Variants in MAP4K3 observed in about 807,000 individuals in gnomAD.
MAP4K3 encodes mitogen-activated protein kinase kinase kinase kinase 3.
MAP4K3 carries 94 observed loss-of-function variants against 143.5 expected under a neutral mutation model. The observed-to-expected ratio is 0.65, with a 90% CI of 0.55 to 0.78. The LOEUF is 0.78. MAP4K3 is among the 30% of genes least tolerant of loss of function. The pLI is 0.00. For missense variants in MAP4K3, 1,077 were observed against 1,068.1 expected, an observed-to-expected ratio of 1.01 and a Z score of -0.12; for synonymous variants, 416 against 347.2, an observed-to-expected ratio of 1.20 and a Z score of -2.20.
intron 23 of MAP4K3, among the ~76,000 whole-genome samples, chr2:39,279,247 A>G (rs138273477): frequency 1.3e-5 from 2 of 152,330 alleles, no homozygotes; most frequent in African/African-American, 4.8e-5. Context: ...TAGAATGCTA[A>G]GAGCATTCCT....
At chr2:39,309,347 G>T in intron 14 of MAP4K3, 114 bp downstream of exon 14, 5 of 741,402 alleles carry the variant, frequency 6.7e-6, no homozygotes, top group Non-Finnish European at 8.7e-6. Context: ...CTGGGACCTC[G>T]AATGTTTTTG....
intron 24 of MAP4K3, among the ~76,000 whole-genome samples, chr2:39,276,803 C>T (rs928770327): frequency 6.6e-6 from 1 of 152,204 alleles, no homozygotes; most frequent in Non-Finnish European, 1.5e-5. Context: ...AAGCTCCCCC[C>T]ACTCATTGTG....
chr2:39,315,565 G>T, intron 12 of MAP4K3, 177 bp from the exon 13 acceptor site: 1 of 517,216 alleles, frequency 1.9e-6, no homozygotes, highest in Non-Finnish European at 3.4e-6. Context: ...CAAACTATTA[G>T]GTGAAAAAAT....
At chr2:39,317,445 C>A (rs1683152077) in intron 12 of MAP4K3, among the ~76,000 whole-genome samples, 1 of 151,938 alleles carries the variant, frequency 6.6e-6, no homozygotes, top group African/African-American at 2.4e-5. Flanking sequence ...TTCGGCACAG[C>A]AAAAGAAACT....
chr2:39,290,236 T>C (rs1681982075), intron 19 of MAP4K3, 56 bp downstream of exon 19: 6 of 1,318,598 alleles, frequency 4.6e-6, no homozygotes, highest in Non-Finnish European at 6.3e-6. Flanking sequence ...CAACAAAGTA[T>C]TAAATTGGCA....
chr2:39,290,716 T>G (rs929980431), intron 18 of MAP4K3, among the ~76,000 whole-genome samples: 4 of 152,208 alleles, frequency 2.6e-5, no homozygotes, highest in African/African-American at 9.7e-5. Flanking sequence ...ATTACAGTTA[T>G]GTAAATACTT....
chr2:39,369,193 G>GTTTTTTTTTGTTTTTTT (rs1553419597), intron 2 of MAP4K3, among the ~76,000 whole-genome samples: 1 of 37,978 alleles, frequency 2.6e-5, no homozygotes, highest in Admixed American at 4.1e-4. Flanking sequence ...CTTTGGGCTA[G>GTTTTTTTTTGTTTTTTT]TTTTTTTTTT....
chr2:39,356,800 G>T (rs187653247), intron 2 of MAP4K3, among the ~76,000 whole-genome samples: 2 of 152,018 alleles, frequency 1.3e-5, no homozygotes, highest in African/African-American at 4.8e-5. Context: ...CATAATCATC[G>T]GTATAATCCA....
intron 1 of MAP4K3, among the ~76,000 whole-genome samples, chr2:39,422,338 G>C (rs935555871): frequency 6.6e-6 from 1 of 151,898 alleles, no homozygotes; most frequent in African/African-American, 2.4e-5. Flanking sequence ...ATCTCCCCTA[G>C]TTCTCTGCTA....
At chr2:39,420,313 T>G (rs1667510662) in intron 1 of MAP4K3, among the ~76,000 whole-genome samples, 1 of 152,270 alleles carries the variant, frequency 6.6e-6, no homozygotes, top group African/African-American at 2.4e-5. Flanking sequence ...CATATACACG[T>G]GCACTTACAG....
intron 4 of MAP4K3, among the ~76,000 whole-genome samples, chr2:39,338,903 C>A (rs1370769333): frequency 6.6e-6 from 1 of 152,184 alleles, no homozygotes; most frequent in Non-Finnish European, 1.5e-5. Context: ...TCTTGCACTT[C>A]CCAGCCTCCA....
At chr2:39,262,277 C>T (rs1344873811) in intron 28 of MAP4K3, among the ~76,000 whole-genome samples, 1 of 152,182 alleles carries the variant, frequency 6.6e-6, no homozygotes, top group Non-Finnish European at 1.5e-5. Flanking sequence ...ATGTGAAGCT[C>T]TGTGTTCACC....
intron 15 of MAP4K3, among the ~76,000 whole-genome samples, chr2:39,301,852 G>A (rs1245211197): frequency 1.3e-5 from 2 of 151,992 alleles, no homozygotes; most frequent in Non-Finnish European, 2.9e-5. Flanking sequence ...ATGAAACCCT[G>A]TCTCTACTAA....
Position 39,325,948 on chromosome 2 carries a change from T to A in MAP4K3, c.676A>T (p.Met226Leu). Residue 226 changes from methionine to leucine, a missense_variant, in exon 10 of 34, where the codon ATG becomes TTG. Met to Leu is a conservative substitution (Grantham distance 15). This residue lies in a region of MAP4K3 where 864 missense variants were observed against 801.2 expected (regional missense o/e 1.08). Coordinates refer to ENST00000263881, the MANE Select transcript of MAP4K3 (RefSeq NM_003618.4). ...DLHPMRALFL[M>L]TKSNFQPPKL... ...GGAGGCTGAAAATTGCTTTTTGTCA[T>A]TAGAAATAATGCTCTGAAAAATCAA... The A allele has an allele frequency of 6.3e-7, 1 of 1,593,926 alleles. No homozygotes were observed. The highest frequency in any genetic ancestry group is 8.6e-7 in the Non-Finnish European group (1 of 1,164,752).
Position 39,249,489 on chromosome 2 carries a change from C to A in MAP4K3, c.*1129G>T, listed in dbSNP as rs1045716916. 2.0e-5 allele frequency: 3 copies of A among 152,416 alleles called. No homozygotes were observed. Among genetic ancestry groups the A allele is most frequent in the African/African-American group, 7.2e-5 (3 of 41,390 alleles). The allele number at this position is 152,416 out of a possible 1,614,324, so 9.4% of individuals were successfully genotyped here. On this transcript the variant is annotated 3_prime_UTR_variant, in exon 34 of 34. Coordinates refer to ENST00000263881, the MANE Select transcript of MAP4K3 (RefSeq NM_003618.4). ...ATATACATATTCCATTGGAAAAAAG[C>A]AATCAAAAATGACTTAAACCAAAAC...
At chr2:39,405,354 G>T (rs376708653) in intron 1 of MAP4K3, among the ~76,000 whole-genome samples, 2 of 152,200 alleles carry the variant, frequency 1.3e-5, no homozygotes, top group Admixed American at 1.3e-4. Flanking sequence ...TAGAACTACA[G>T]TGTTACTGGG....
At chr2:39,277,459 AG>A (rs1681315931) in intron 24 of MAP4K3, among the ~76,000 whole-genome samples, 1 of 152,204 alleles carries the variant, frequency 6.6e-6, no homozygotes, top group African/African-American at 2.4e-5. Context: ...TGAGTGCTGT[AG>A]TTACTGGTTT....
chr2:39,364,511 G>A (rs1665864988), intron 2 of MAP4K3, among the ~76,000 whole-genome samples: 1 of 152,212 alleles, frequency 6.6e-6, no homozygotes, highest in African/African-American at 2.4e-5. Context: ...AAGAGATCCT[G>A]AGAACATGTG....
rs575923310 is a variant in MAP4K3, at chr2:39,301,975, C to G, written c.1120-2174G>C. Among the ~76,000 whole-genome samples the G allele has an allele frequency of 4.6e-5, 7 of 151,790 alleles. No homozygotes were observed. In the East Asian group the frequency reaches 9.7e-4, roughly 21 times the overall value. ...GGAGGCGGAGGTTGCAGTGAGCCAA[C>G]ATTGCGCCACTACACTCCAGCTTGG... is the stretch of plus-strand genomic sequence containing the variant. On this transcript the variant is annotated intron_variant, in intron 15 of 33. Coordinates refer to ENST00000263881, the MANE Select transcript of MAP4K3 (RefSeq NM_003618.4).
Sources: allele counts gnomAD v4.1 joint callset (sites outside exome capture counted in the v4.1 genomes callset), GRCh38; gene constraint gnomAD v4.1.1; regional missense constraint gnomAD v4.1.1; transcripts MANE v1.5; gene names NCBI Gene and HGNC (gene_info 2026-07-23, HGNC 2026-07-21).